The following MACF1 variants were observed in gnomAD, a reference collection of about 807,000 sequenced individuals.
MACF1 encodes microtubule actin crosslinking factor 1, also known as microtubule-actin cross-linking factor 1.
Under a neutral mutation model 854.8 loss-of-function variants are expected in MACF1, and 193 were observed. The ratio of observed to expected loss-of-function variants is 0.23; its 90% confidence interval spans 0.20 to 0.25. The LOEUF is 0.25. Ranked by LOEUF, MACF1 falls within the 10% of genes least tolerant of loss-of-function variation. The probability of loss-of-function intolerance (pLI) is 1.00; values close to 1 mark genes in which losing one functional copy is unlikely to be tolerated. For missense variants in MACF1, 7,722 were observed against 8,929.1 expected, an observed-to-expected ratio of 0.86 and a Z score of 5.45; for synonymous variants, 3,185 against 3,226.7, an observed-to-expected ratio of 0.99 and a Z score of 0.44.
chr1:39,135,911 C>T (rs192706300), intron 2 of MACF1, among the ~76,000 whole-genome samples: 6 of 152,220 alleles, frequency 3.9e-5, no homozygotes, highest in East Asian at 1.9e-4. Flanking sequence ...TTGCAGAGGT[C>T]GAAGGCTGAG....
chr1:39,448,140 T>C lies in MACF1; in HGVS notation c.20076T>C (p.Leu6692=). 1 of 1,614,022 alleles carries C rather than the reference T, an allele frequency of 6.2e-7. No individual in the cohort carries two copies. Among genetic ancestry groups the C allele is most frequent in the Non-Finnish European group, 8.5e-7 (1 of 1,179,944 alleles). ...SNDPDKIKLQ[L]SKHKEFQKTL... is the part of the protein sequence containing the mutation. The stretch of plus-strand genomic sequence containing the variant: ...ACCCAGACAAAATTAAACTTCAGCT[T>C]TCTAAGCATAAGGTAAAGCAGTTAA... Residue 6692 remains leucine, a synonymous_variant, in exon 83 of 101, where the codon CTT becomes CTC. Transcript: ENST00000564288.
intron 65 of MACF1, 26 bp downstream of exon 65, chr1:39,430,094 GA>G (rs749699991): frequency 5.7e-6 from 9 of 1,581,226 alleles, no homozygotes; most frequent in African/African-American, 1.4e-5. Flanking sequence ...ACCATAAAAA[GA>G]AAAAAAGGCT....
intron 2 of MACF1, among the ~76,000 whole-genome samples, chr1:39,108,049 A>AT (rs11433977): frequency 0.031 from 4,314 of 140,242 alleles, 339 homozygotes; most frequent in East Asian, 0.26. Flanking sequence ...CTTGGCAACC[A>AT]TTTTTTTTTT....
intron 47 of MACF1, among the ~76,000 whole-genome samples, chr1:39,360,005 AAAAAAAAATATATATAT>A (rs1647953287): frequency 1.4e-5 from 1 of 69,504 alleles, no homozygotes; most frequent in Non-Finnish European, 2.6e-5. Context: ...AAAAAAAAAA[AAAAAAAAATATATATAT>A]ATATATATAT....
intron 2 of MACF1, among the ~76,000 whole-genome samples, chr1:39,234,040 C>T (rs1212215300): frequency 6.9e-6 from 1 of 145,418 alleles, no homozygotes; most frequent in Non-Finnish European, 1.5e-5. Context: ...GCACATCTTG[C>T]ACCGCCCTTA....
At chr1:39,323,619 T>G (rs1488077198) in intron 33 of MACF1, among the ~76,000 whole-genome samples, 2 of 152,080 alleles carry the variant, frequency 1.3e-5, no homozygotes, top group South Asian at 4.1e-4. Flanking sequence ...ACTTACATAA[T>G]TATGTATTTT....
chr1:39,431,007 G>T, intron 66 of MACF1, 99 bp downstream of exon 66: 1 of 1,066,200 alleles, frequency 9.4e-7, no homozygotes, highest in East Asian at 2.5e-5. Context: ...AAATAAGAAT[G>T]GGCTCAAGCT....
At position 39,433,122 on chromosome 1, in the gene MACF1, C is replaced by T. The variant is rs1356290183; in HGVS notation, c.17532C>T (p.Gly5844=). The T allele has an allele frequency of 1.2e-6, 2 of 1,611,176 alleles. No individual in the cohort carries two copies. The highest frequency in any genetic ancestry group is 1.1e-5 in the South Asian group (1 of 90,766). Residue 5844 remains glycine, a synonymous_variant, in exon 68 of 101, where the codon GGC becomes GGT. Transcript: ENST00000564288. ...TCAGTCACCGTAGTGAAATCTTTGGCACATGTGGGGAGGAGCAAAAAACTG... is the reference window on the plus strand; with the variant it reads ...TCAGTCACCGTAGTGAAATCTTTGGTACATGTGGGGAGGAGCAAAAAACTG... ...ELFSHRSEIF[G]TCGEEQKTVL...
At chr1:39,467,229 G>T (rs959349936) in intron 95 of MACF1, among the ~76,000 whole-genome samples, 10 of 152,136 alleles carry the variant, frequency 6.6e-5, no homozygotes, top group African/African-American at 1.9e-4. Flanking sequence ...AGCCGGCCTG[G>T]TGGCGGGCGC....
Position 39,234,570 on chromosome 1 carries a change from A to G in MACF1, c.171+3327A>G, listed in dbSNP as rs1188164344. On this transcript the variant is annotated intron_variant, in intron 2 of 100. Transcript: ENST00000564288. ...GCTGACCCCCCCACCTCCCTCCCGG[A>G]CGGGGCGGCTGGCCTGGCGGGGGGC... is the stretch of plus-strand genomic sequence containing the variant. Among the ~76,000 whole-genome samples the G allele has an allele frequency of 7.3e-3, 677 of 93,242 alleles. 66 individuals are homozygous for G. The highest frequency in any genetic ancestry group is 0.037 in the South Asian group (77 of 2,104). The allele number at this position is 93,242 out of a possible 152,430, so 61.2% of individuals were successfully genotyped here.
At chr1:39,436,870 G>A (rs1643988580) in intron 70 of MACF1, among the ~76,000 whole-genome samples, 1 of 152,072 alleles carries the variant, frequency 6.6e-6, no homozygotes, top group African/African-American at 2.4e-5. Flanking sequence ...AAAGTGGGAA[G>A]GTAATAATTC....
At position 39,475,124 on chromosome 1, in the gene MACF1, G is replaced by C. The variant is rs114738478; in HGVS notation, c.21959-4674G>C. Among the ~76,000 whole-genome samples the C allele has an allele frequency of 4.1e-3, 618 of 152,196 alleles. 1 individual carries two copies. The highest frequency in any genetic ancestry group is 7.2e-3 in the Non-Finnish European group (490 of 67,980). ...GGTCCTCAAAAAAACGAAAAGTCAC[G>C]GTCAAATGAATTTGGGAGATGCCAA... On this transcript the variant is annotated intron_variant, in intron 97 of 100. Coordinates refer to ENST00000564288, the MANE Select transcript of MACF1 (RefSeq NM_001394062.1).
In MACF1 at chr1:39,441,028, T is replaced by G; in HGVS notation, c.18473T>G (p.Leu6158Arg). 1 of 1,614,200 alleles carries G rather than the reference T, an allele frequency of 6.2e-7. No individual in the cohort carries two copies. Among genetic ancestry groups the G allele is most frequent in the Non-Finnish European group, 8.5e-7 (1 of 1,180,012 alleles). Reference protein sequence around the residue: ...AETIKEETDGLHEELEFIRIL... With the variant: ...AETIKEETDGRHEELEFIRIL... Reference sequence around the variant, plus strand: ...ACTATTAAGGAAGAGACAGATGGTCTGCATGAAGAGCTGGAGTTTATTCGG... The same window carrying G: ...ACTATTAAGGAAGAGACAGATGGTCGGCATGAAGAGCTGGAGTTTATTCGG... Residue 6158 changes from leucine to arginine, a missense_variant, in exon 73 of 101, where the codon CTG becomes CGG. By Grantham distance (102) the Leu-to-Arg change is moderately radical (BLOSUM62 -2). Transcript: ENST00000564288.
intron 92 of MACF1, among the ~76,000 whole-genome samples, chr1:39,461,080 T>G: frequency 7.1e-6 from 1 of 140,912 alleles, no homozygotes; most frequent in South Asian, 2.2e-4. Context: ...TGAGACTCTG[T>G]CTCAAAAAAA....
chr1:39,371,680 A>G (rs1456275413), intron 51 of MACF1, among the ~76,000 whole-genome samples: 1 of 152,180 alleles, frequency 6.6e-6, no homozygotes, highest in African/African-American at 2.4e-5. Flanking sequence ...AATGCAAAGT[A>G]TAGCCTATGA....
rs2148680751 is a variant in MACF1, at chr1:39,452,330, C to T, written c.20593C>T (p.Leu6865Phe). 13 of 1,613,988 alleles carry T rather than the reference C, an allele frequency of 8.1e-6. No homozygotes were observed. Among genetic ancestry groups the T allele is most frequent in the Non-Finnish European group, 1.1e-5 (13 of 1,179,930 alleles). ...CKLSVSKQSRLEQALKQAEVF... is the reference protein window; with the variant it reads ...CKLSVSKQSRFEQALKQAEVF... ...ACTCTCTGTTTCCAAACAAAGCCGGCTTGAGCAGGCCTTAAAACAAGTAAG... is the reference window on the plus strand; with the variant it reads ...ACTCTCTGTTTCCAAACAAAGCCGGTTTGAGCAGGCCTTAAAACAAGTAAG... Residue 6865 changes from leucine to phenylalanine, a missense_variant, in exon 86 of 101, where the codon CTT (leucine) becomes TTT (phenylalanine). By Grantham distance (22) the Leu-to-Phe change is conservative. This residue lies in a region of MACF1 where 729 missense variants were observed against 900.5 expected (regional missense o/e 0.81). Coordinates refer to ENST00000564288, the MANE Select transcript of MACF1 (RefSeq NM_001394062.1).
chr1:39,275,328 C>T (rs1400951326), intron 6 of MACF1, among the ~76,000 whole-genome samples: 2 of 152,040 alleles, frequency 1.3e-5, no homozygotes, highest in Non-Finnish European at 2.9e-5. Context: ...GTGACCCGCC[C>T]GCCTCTGCCT....
Position 39,422,054 on chromosome 1 carries a change from G to A in MACF1, c.15817-320G>A, listed in dbSNP as rs549973374. Among the ~76,000 whole-genome samples the A allele has an allele frequency of 7.9e-5, 12 of 151,844 alleles. 1 individual carries two copies. The highest frequency in any genetic ancestry group is 7.8e-4 in the East Asian group (4 of 5,158). ...CACGCCACTGCACTCCAGCCTGGGC[G>A]ACAGAGCGAGACTCTGTCTCCAAAA... On this transcript the variant is annotated intron_variant, in intron 58 of 100. Coordinates refer to ENST00000564288, the MANE Select transcript of MACF1 (RefSeq NM_001394062.1).
intron 20 of MACF1, among the ~76,000 whole-genome samples, chr1:39,296,458 C>G (rs1645902338): frequency 1.3e-5 from 2 of 151,892 alleles, no homozygotes; most frequent in Non-Finnish European, 2.9e-5. Context: ...GGCCGGGCAC[C>G]ATGGCTCACA....
Sources: allele counts gnomAD v4.1 joint callset (sites outside exome capture counted in the v4.1 genomes callset), GRCh38; gene constraint gnomAD v4.1.1; regional missense constraint gnomAD v4.1.1; transcripts MANE v1.5; gene names NCBI Gene and HGNC (gene_info 2026-07-23, HGNC 2026-07-21).